Variants in EYS observed in about 807,000 individuals in gnomAD.
EYS encodes EGF-like photoreceptor maintenance factor.
EYS carries 250 observed loss-of-function variants against 282.1 expected under a neutral mutation model. The ratio of observed to expected loss-of-function variants is 0.89; its 90% CI spans 0.80 to 0.98. EYS has a LOEUF of 0.98. EYS is among the 50% of genes least tolerant of loss of function. The probability of loss-of-function intolerance (pLI) is 0.00; values close to 1 mark genes in which losing one functional copy is unlikely to be tolerated. For synonymous variants in EYS, 1,355 were observed against 1,282.9 expected (o/e 1.06, Z -1.20); for missense variants, 4,016 against 3,709.0 (o/e 1.08, Z -2.15).
intron 12 of EYS, among the ~76,000 whole-genome samples, chr6:65,178,259 G>T (rs1433986972): frequency 6.6e-6 from 1 of 151,832 alleles, no homozygotes; most frequent in Non-Finnish European, 1.5e-5. Context: ...TTACTATCTT[G>T]CCTGTTGCTC....
chr6:65,118,436 G>A (rs1775440874), intron 12 of EYS, among the ~76,000 whole-genome samples: 1 of 152,190 alleles, frequency 6.6e-6, no homozygotes, highest in Non-Finnish European at 1.5e-5. Flanking sequence ...GATAGGTCTT[G>A]TTAATGAGAC....
At chr6:64,038,857 T>A (rs1481958439) in intron 33 of EYS, among the ~76,000 whole-genome samples, 2 of 151,872 alleles carry the variant, frequency 1.3e-5, no homozygotes, top group Non-Finnish European at 2.9e-5. Context: ...CGGGCTGGAG[T>A]GCAGTCGCGC....
At chr6:64,363,087 A>G (rs1772070453) in intron 29 of EYS, among the ~76,000 whole-genome samples, 1 of 151,104 alleles carries the variant, frequency 6.6e-6, no homozygotes, top group African/African-American at 2.4e-5. Flanking sequence ...CTTAACCTCC[A>G]GAAGAGCTGG....
At chr6:65,489,773 C>A (rs1224316843) in intron 5 of EYS, 1 of 152,220 alleles carries the variant, frequency 6.6e-6, no homozygotes, top group African/African-American at 2.4e-5. Flanking sequence ...GGCACATATA[C>A]ACCATGGAAT....
chr6:64,170,931 G>A lies in EYS; in HGVS notation c.6424+59661C>T, dbSNP rs544215664. 3.0e-3 allele frequency among the ~76,000 whole-genome samples: 452 copies of A among 152,068 alleles called. 3 individuals carry two copies. The highest frequency in any genetic ancestry group is 9.8e-3 in the African/African-American group (408 of 41,468). ...GCAGGCAGGATAGGTATGACATACT[G>A]AAACAATGGTGAGTATAAAGGCATT... On this transcript the variant is annotated intron_variant, in intron 31 of 42. Transcript: ENST00000503581.
intron 12 of EYS, among the ~76,000 whole-genome samples, chr6:65,097,168 T>C (rs145856052): frequency 2.9e-4 from 44 of 151,148 alleles, no homozygotes; most frequent in Admixed American, 6.0e-4. Context: ...AATAATCTGA[T>C]TTATAAATTG....
chr6:64,026,382 G>C (rs532438062), intron 33 of EYS, among the ~76,000 whole-genome samples: 1 of 152,234 alleles, frequency 6.6e-6, no homozygotes, highest in East Asian at 1.9e-4. Flanking sequence ...GGCATCAACA[G>C]GATCACCCTT....
chr6:63,863,502 C>T (rs1772586594), intron 36 of EYS, among the ~76,000 whole-genome samples: 1 of 151,888 alleles, frequency 6.6e-6, no homozygotes, highest in African/African-American at 2.4e-5. Context: ...CTCGGTTTGC[C>T]AAAATGACAT....
chr6:64,141,881 T>TC (rs1774348944), intron 31 of EYS, among the ~76,000 whole-genome samples: 3 of 152,108 alleles, frequency 2.0e-5, no homozygotes, highest in Non-Finnish European at 2.9e-5. Context: ...GTACACTCTC[T>TC]CCCCCACCCA....
chr6:65,655,337 A>C (rs2149821844), intron 1 of EYS, among the ~76,000 whole-genome samples: 1 of 151,862 alleles, frequency 6.6e-6, no homozygotes, highest in East Asian at 1.9e-4. Flanking sequence ...GGGGAAAAAT[A>C]ACATCTGTAC....
At chr6:64,669,628 T>A (rs2149894926) in intron 22 of EYS, among the ~76,000 whole-genome samples, 1 of 152,340 alleles carries the variant, frequency 6.6e-6, no homozygotes, top group South Asian at 2.1e-4. Context: ...TGTGCTTTAA[T>A]AAGTGCAAAT....
chr6:65,155,762 A>T (rs1190793833), intron 12 of EYS, among the ~76,000 whole-genome samples: 1 of 151,298 alleles, frequency 6.6e-6, no homozygotes, highest in East Asian at 2.0e-4. Context: ...ATAAAAATTA[A>T]GCAAGTCAAA....
intron 33 of EYS, among the ~76,000 whole-genome samples, chr6:64,049,948 C>G (rs1462261770): frequency 1.8e-4 from 27 of 152,110 alleles, no homozygotes; most frequent in Non-Finnish European, 1.2e-4. Flanking sequence ...AGCACACACT[C>G]CAGGTAGACA....
In EYS at chr6:65,295,764, C is replaced by G; in HGVS notation, c.2023+99G>C. On this transcript the variant is annotated intron_variant, in intron 12 of 42. Coordinates refer to ENST00000503581, the MANE Select transcript of EYS (RefSeq NM_001142800.2). Reference sequence around the variant, plus strand: ...TAAGAAATGAGACAACAATACCAATCAATAGACACATTTGAGATATATTTG... The same window carrying G: ...TAAGAAATGAGACAACAATACCAATGAATAGACACATTTGAGATATATTTG... 2.9e-6 allele frequency: 3 copies of G among 1,029,210 alleles called. No individual in the cohort carries two copies. The Admixed American group carries it at 8.4e-5, about 29-fold the overall frequency. 63.8% of individuals were successfully genotyped at this position (1,029,210 alleles called of 1,614,324 possible).
intron 30 of EYS, among the ~76,000 whole-genome samples, chr6:64,292,893 C>A (rs1768766456): frequency 6.6e-6 from 1 of 152,032 alleles, no homozygotes; most frequent in African/African-American, 2.4e-5. Flanking sequence ...GTTATCATCA[C>A]CATTTATAGA....
intron 22 of EYS, among the ~76,000 whole-genome samples, chr6:64,796,008 A>C (rs985569896): frequency 6.6e-6 from 1 of 152,170 alleles, no homozygotes; most frequent in African/African-American, 2.4e-5. Context: ...ACTGAGAAGT[A>C]ACTACTGATT....
chr6:65,399,125 C>A (rs1365692429), intron 7 of EYS, among the ~76,000 whole-genome samples: 1 of 150,854 alleles, frequency 6.6e-6, no homozygotes, highest in Non-Finnish European at 1.5e-5. Flanking sequence ...CCCTTGGGAA[C>A]ATACACCTAC....
At chr6:64,405,744 T>C (rs1773686476) in intron 28 of EYS, among the ~76,000 whole-genome samples, 2 of 151,804 alleles carry the variant, frequency 1.3e-5, no homozygotes, top group South Asian at 4.2e-4. Flanking sequence ...ACAAAGAGAA[T>C]AAAATACCTA....
At chr6:64,981,641 T>C (rs1167907724) in intron 14 of EYS, among the ~76,000 whole-genome samples, 1 of 151,406 alleles carries the variant, frequency 6.6e-6, no homozygotes, top group Non-Finnish European at 1.5e-5. Flanking sequence ...GGTTGAGCCA[T>C]AATTTGCATA....
Sources: gnomAD v4.1 joint callset for allele counts (sites outside exome capture counted in the v4.1 genomes callset) on GRCh38, gnomAD v4.1.1 for gene constraint, MANE v1.5 for transcripts, NCBI Gene and HGNC (gene_info 2026-07-23, HGNC 2026-07-21) for gene names.